Variants in MOB3B observed in about 807,000 individuals in gnomAD.
MOB3B encodes the protein MOB kinase activator 3B, also known as MOB kinase activator-like 2B.
A neutral mutation model predicts 18.7 loss-of-function variants in MOB3B; 7 were observed. That is an observed-to-expected ratio of 0.37 (90% CI 0.21 to 0.70). The LOEUF (loss-of-function observed/expected upper bound fraction) is 0.70, where lower values mean the gene tolerates loss of function less well. Among genes scored for constraint, MOB3B ranks in the 30% least tolerant of loss-of-function variants. MOB3B has a pLI of 0.52. For synonymous variants in MOB3B, 111 were observed against 99.9 expected (o/e 1.11, Z -0.66); for missense variants, 253 against 281.3 (o/e 0.90, Z 0.72).
chr9:27,401,203 C>T (rs182716197), intron 2 of MOB3B, among the ~76,000 whole-genome samples: 2 of 152,282 alleles, frequency 1.3e-5, no homozygotes, highest in East Asian at 3.9e-4. Context: ...GGAGCCATTC[C>T]CTTCTGTTTC....
intron 2 of MOB3B, among the ~76,000 whole-genome samples, chr9:27,383,847 T>TGA (rs1821613805): frequency 6.6e-6 from 1 of 152,206 alleles, no homozygotes; most frequent in Admixed American, 6.5e-5. Flanking sequence ...TATGTTGGCA[T>TGA]GAGATTAAAT....
At chr9:27,341,287 A>G (rs868417280) in intron 3 of MOB3B, among the ~76,000 whole-genome samples, 14 of 152,238 alleles carry the variant, frequency 9.2e-5, no homozygotes, top group African/African-American at 2.9e-4. Context: ...GAGTATTCTG[A>G]ACTTTCAGAG....
chr9:27,482,311 TG>T (rs1322234048), intron 1 of MOB3B, among the ~76,000 whole-genome samples: 60 of 2,906 alleles, frequency 0.021, no homozygotes, highest in African/African-American at 0.025. Context: ...TAATAATGTC[TG>T]GATGGTCTGG....
At chr9:27,518,716 A>C (rs1820277823) in intron 1 of MOB3B, among the ~76,000 whole-genome samples, 1 of 152,240 alleles carries the variant, frequency 6.6e-6, no homozygotes, top group African/African-American at 2.4e-5. Flanking sequence ...TGATAAAATT[A>C]AATGACAGCT....
In MOB3B at chr9:27,432,302, T is replaced by C. The variant is rs145294989; in HGVS notation, c.418+22831A>G. Among the ~76,000 whole-genome samples, 587 of 152,260 alleles carry C rather than the reference T, an allele frequency of 3.9e-3. 4 individuals carry two copies. Among genetic ancestry groups the C allele is most frequent in the African/African-American group, 0.014 (565 of 41,542 alleles). On this transcript the variant is annotated intron_variant, in intron 2 of 3. Coordinates refer to ENST00000262244, the MANE Select transcript of MOB3B (RefSeq NM_024761.5). ...GTGCTGAATTTCTTTCCCTGTGTTGTAGAGGCAGTAATAATTCAATCACAG... is the reference window on the plus strand; with the variant it reads ...GTGCTGAATTTCTTTCCCTGTGTTGCAGAGGCAGTAATAATTCAATCACAG...
At chr9:27,446,234 A>G (rs1013436746) in intron 2 of MOB3B, among the ~76,000 whole-genome samples, 3 of 75,138 alleles carry the variant, frequency 4.0e-5, no homozygotes, top group African/African-American at 2.0e-4. Context: ...TTGGGAATAC[A>G]TCTTTTTTTT....
intron 3 of MOB3B, among the ~76,000 whole-genome samples, chr9:27,332,699 A>T (rs553089244): frequency 2.0e-5 from 3 of 152,334 alleles, no homozygotes; most frequent in African/African-American, 7.2e-5. Context: ...TGCCAGTCCC[A>T]GTGTCTACTG....
intron 1 of MOB3B, among the ~76,000 whole-genome samples, chr9:27,526,869 G>T (rs1223802334): frequency 6.6e-6 from 1 of 152,210 alleles, no homozygotes. Flanking sequence ...AATATAAAAT[G>T]TGAGTGGAGT....
chr9:27,330,534 C>A lies in MOB3B; in HGVS notation c.*53G>T. On this transcript the variant is annotated 3_prime_UTR_variant, in exon 4 of 4. Transcript: ENST00000262244. ...CAGGGTGGTCCACCTCCTGCCCGCT[C>A]AGGGCACCAGGAGGAAACAGCTTTC... 1 of 1,612,552 alleles carries A rather than the reference C, an allele frequency of 6.2e-7. No individual in the cohort carries two copies. Among genetic ancestry groups the A allele is most frequent in the Non-Finnish European group, 8.5e-7 (1 of 1,179,238 alleles).
At chr9:27,529,133 G>C (rs990760059) in intron 1 of MOB3B, among the ~76,000 whole-genome samples, 1 of 152,198 alleles carries the variant, frequency 6.6e-6, no homozygotes, top group Non-Finnish European at 1.5e-5. Context: ...CCCAGCCCAG[G>C]CGCACTTTTG....
chr9:27,426,353 G>C (rs1822330118), intron 2 of MOB3B, among the ~76,000 whole-genome samples: 1 of 152,216 alleles, frequency 6.6e-6, no homozygotes, highest in Non-Finnish European at 1.5e-5. Context: ...ATTTTTGCTT[G>C]GCATGAGCAG....
intron 3 of MOB3B, among the ~76,000 whole-genome samples, chr9:27,332,317 C>G (rs1820801465): frequency 6.6e-6 from 1 of 152,042 alleles, no homozygotes; most frequent in Non-Finnish European, 1.5e-5. Flanking sequence ...ATGACACAGA[C>G]AAGGAAAACA....
rs1341883241 is a variant in MOB3B at position 27,423,764 on chromosome 9, T to C, written c.418+31369A>G. Reference sequence around the variant, plus strand: ...GCAAAACACACAGAACATACATATTTGTTTAATAAATGAATAAACTGATTG... The same window carrying C: ...GCAAAACACACAGAACATACATATTCGTTTAATAAATGAATAAACTGATTG... On this transcript the variant is annotated intron_variant, in intron 2 of 3. Transcript: ENST00000262244. Among the ~76,000 whole-genome samples the C allele has an allele frequency of 2.0e-5, 3 of 152,352 alleles. No homozygotes were observed. In the East Asian group the frequency reaches 5.8e-4, roughly 29 times the overall value.
chr9:27,332,883 A>G (rs1299475990), intron 3 of MOB3B, among the ~76,000 whole-genome samples: 2 of 152,314 alleles, frequency 1.3e-5, no homozygotes, highest in Non-Finnish European at 1.5e-5. Flanking sequence ...ACACCATGTG[A>G]TTGTAGGTTA....
At chr9:27,409,199 T>C (rs1220374528) in intron 2 of MOB3B, among the ~76,000 whole-genome samples, 1 of 152,254 alleles carries the variant, frequency 6.6e-6, no homozygotes, top group East Asian at 1.9e-4. Flanking sequence ...GTTATTGTTC[T>C]ATGGATCAGG....
At chr9:27,456,463 C>G (rs544974544) in intron 1 of MOB3B, among the ~76,000 whole-genome samples, 7 of 152,186 alleles carry the variant, frequency 4.6e-5, no homozygotes, top group African/African-American at 9.7e-5. Context: ...AAAAGAGAGA[C>G]AGTGAGAAGA....
At chr9:27,381,209 G>C (rs1432997243) in intron 2 of MOB3B, among the ~76,000 whole-genome samples, 1 of 152,058 alleles carries the variant, frequency 6.6e-6, no homozygotes, top group East Asian at 1.9e-4. Context: ...AATTACACTT[G>C]ACAAAATTAA....
chr9:27,405,093 C>CTTTTTTTTTT (rs74178386), intron 2 of MOB3B, among the ~76,000 whole-genome samples: 6 of 48,370 alleles, frequency 1.2e-4, no homozygotes, highest in African/African-American at 3.5e-4. Flanking sequence ...GAACCTTTGT[C>CTTTTTTTTTT]TTTTTTTTTT....
At chr9:27,398,862 A>G (rs533237553) in intron 2 of MOB3B, among the ~76,000 whole-genome samples, 1 of 152,324 alleles carries the variant, frequency 6.6e-6, no homozygotes, top group South Asian at 2.1e-4. Context: ...AGGTATATAC[A>G]ATTTGTCACC....
Sources: allele counts gnomAD v4.1 joint callset (sites outside exome capture counted in the v4.1 genomes callset), GRCh38; gene constraint gnomAD v4.1.1; transcripts MANE v1.5; gene names NCBI Gene and HGNC (gene_info 2026-07-23, HGNC 2026-07-21).